NAA40: variants seen among roughly 807,000 people sequenced by gnomAD.
The protein encoded by NAA40 is N-alpha-acetyltransferase 40.
In NAA40, 26 loss-of-function variants were observed where a neutral mutation model predicts 36.6. The observed-to-expected ratio is 0.71, with a 90% CI of 0.52 to 0.98. The LOEUF (loss-of-function observed/expected upper bound fraction) is 0.98. Ranked by LOEUF, NAA40 falls within the 50% of genes least tolerant of loss-of-function variation. The pLI is 0.00. For synonymous variants in NAA40, 129 were observed against 108.4 expected, an observed-to-expected ratio of 1.19 and a Z score of -1.18; for missense variants, 237 against 306.5, an observed-to-expected ratio of 0.77 and a Z score of 1.69.
At position 63,939,004 on chromosome 11, in the gene NAA40, C is replaced by G; in HGVS notation, c.-93C>G. 2 of 1,273,286 alleles carry G rather than the reference C, an allele frequency of 1.6e-6. No individual in the cohort carries two copies. Among genetic ancestry groups the G allele is most frequent in the Non-Finnish European group, 2.2e-6 (2 of 907,578 alleles). The allele number at this position is 1,273,286 out of a possible 1,614,324, so 78.9% of individuals were successfully genotyped here. A position where few individuals can be genotyped will look rare whatever the true frequency, so the allele number is the denominator to read the frequency against. ...AGGCGCATGCGCGTTGCAGGGCCGT[C>G]CGCTCTGCTGCCGCCGCTGTTGCAG... is the stretch of plus-strand genomic sequence containing the variant. On this transcript the variant is annotated 5_prime_UTR_variant, in exon 1 of 8. Transcript: ENST00000377793.
Position 63,939,087 on chromosome 11 carries a change from C to T in NAA40, c.-10C>T, listed in dbSNP as rs1385509023. On this transcript the variant is annotated 5_prime_UTR_variant, in exon 1 of 8. Coordinates refer to ENST00000377793, the MANE Select transcript of NAA40 (RefSeq NM_024771.4). Reference sequence around the variant, plus strand: ...GTGTGAAGAAGAAGCTGAGCGTTGTCGCCGCCGCTATGGGGGTGAGTGAGG... The same window carrying T: ...GTGTGAAGAAGAAGCTGAGCGTTGTTGCCGCCGCTATGGGGGTGAGTGAGG... 4 of 1,604,464 alleles carry T rather than the reference C, an allele frequency of 2.5e-6. No individual in the cohort carries two copies. Among genetic ancestry groups the T allele is most frequent in the East Asian group, 2.3e-5 (1 of 43,228 alleles).
chr11:63,953,567 G>A (rs2134281172), intron 6 of NAA40, among the ~76,000 whole-genome samples: 1 of 152,336 alleles, frequency 6.6e-6, no homozygotes, highest in East Asian at 1.9e-4. Flanking sequence ...TCGTGTGGGT[G>A]AAAGGGAGGT....
chr11:63,946,848 G>C, intron 2 of NAA40, 103 bp from the exon 3 acceptor site: 2 of 1,605,824 alleles, frequency 1.2e-6, no homozygotes. Flanking sequence ...GTCTCCCGTT[G>C]TGGGTCCCCA....
intron 1 of NAA40, among the ~76,000 whole-genome samples, chr11:63,939,853 C>T (rs1321228945): frequency 2.6e-5 from 4 of 152,034 alleles, no homozygotes; most frequent in African/African-American, 9.7e-5. Flanking sequence ...GGCCCAGCCG[C>T]GGATGGATAT....
chr11:63,952,767 A>G lies in NAA40; in HGVS notation c.422A>G (p.Gln141Arg). ...GDEVLYCYEV[Q>R]LESKVRRKGL... ...CTTTCTTCACCTAGCTATGAAGTGC[A>G]GTTGGAAAGCAAGGTGCGGCGGAAA... The change falls in exon 6 of 8, where the codon CAG becomes CGG. Residue 141 changes from glutamine (Q) to arginine (R), a missense_variant. Gln to Arg is a conservative substitution (Grantham distance 43). Coordinates refer to ENST00000377793, the MANE Select transcript of NAA40 (RefSeq NM_024771.4). The G allele has an allele frequency of 2.5e-6, 4 of 1,614,146 alleles. No individual in the cohort carries two copies. The highest frequency in any genetic ancestry group is 3.4e-6 in the Non-Finnish European group (4 of 1,180,022).
At position 63,939,359 on chromosome 11, in the gene NAA40, C is replaced by T. The variant is rs1422255156; in HGVS notation, c.6+257C>T. 3.0e-5 allele frequency: 38 copies of T among 1,251,110 alleles called. No homozygotes were observed. The African/African-American group carries it at 5.7e-4, about 19-fold the overall frequency. The allele number at this position is 1,251,110 out of a possible 1,614,324, so 77.5% of individuals were successfully genotyped here. On this transcript the variant is annotated intron_variant, in intron 1 of 7. Coordinates refer to ENST00000377793, the MANE Select transcript of NAA40 (RefSeq NM_024771.4). ...GTCACGCCCGCCCCTTCCTGCTTCG[C>T]GGACCCGTTACTGGCCTCCCCACCA...
At chr11:63,950,384 G>T (rs1942260409) in intron 3 of NAA40, among the ~76,000 whole-genome samples, 1 of 152,206 alleles carries the variant, frequency 6.6e-6, no homozygotes, top group South Asian at 2.1e-4. Flanking sequence ...CTCCCGAAGT[G>T]CTGAGATTGT....
At chr11:63,939,541 T>C (rs1942072106) in intron 1 of NAA40, 1 of 978,312 alleles carries the variant, frequency 1.0e-6, no homozygotes, top group Admixed American at 6.1e-5. Context: ...CAAGGTCATA[T>C]TGTCGGGGGC....
At chr11:63,953,887 C>T in intron 6 of NAA40, 85 bp from the exon 7 acceptor site, 3 of 1,231,590 alleles carry the variant, frequency 2.4e-6, no homozygotes, top group Non-Finnish European at 3.5e-6. Context: ...ACCTTTGCCC[C>T]TCAAAGTGCT....
intron 3 of NAA40, 110 bp from the exon 4 acceptor site, chr11:63,952,128 T>C (rs1340479221): frequency 1.2e-6 from 1 of 815,230 alleles, no homozygotes; most frequent in East Asian, 2.5e-5. Context: ...GGCTTTTCTC[T>C]GTGCAGTAAC....
chr11:63,939,148 C>T (rs773447381), intron 1 of NAA40, 46 bp downstream of exon 1: 4 of 1,566,600 alleles, frequency 2.6e-6, no homozygotes, highest in South Asian at 2.3e-5. Context: ...GGGCGCTCCT[C>T]GCTACCCTCG....
chr11:63,946,847 T>C (rs4980500), intron 2 of NAA40, 104 bp from the exon 3 acceptor site: 578,477 of 1,602,666 alleles, frequency 0.36, 112,856 homozygotes, highest in Non-Finnish European at 0.4. Flanking sequence ...AGTCTCCCGT[T>C]GTGGGTCCCC....
Position 63,952,392 on chromosome 11 carries a change from TC to T in NAA40, c.252-12del. The T allele has an allele frequency of 1.2e-6, 2 of 1,613,318 alleles. No individual in the cohort carries two copies. The highest frequency in any genetic ancestry group is 2.2e-5 in the South Asian group (2 of 91,062). ...TCTCGCAGCTTTCCCGTCTGACTGC[TC>T]CCAAATTCCCCAGGTATGAGCAGAG... On this transcript the variant is annotated splice_polypyrimidine_tract_variant and intron_variant, in intron 4 of 7. Coordinates refer to ENST00000377793, the MANE Select transcript of NAA40 (RefSeq NM_024771.4).
intron 1 of NAA40, among the ~76,000 whole-genome samples, chr11:63,943,446 C>CT (rs1217780312): frequency 2.0e-5 from 3 of 152,164 alleles, no homozygotes; most frequent in Non-Finnish European, 4.4e-5. Flanking sequence ...GTGCAAGAAT[C>CT]TTTGTTGATG....
At chr11:63,948,386 G>A (rs946170755) in intron 3 of NAA40, among the ~76,000 whole-genome samples, 2 of 152,094 alleles carry the variant, frequency 1.3e-5, no homozygotes, top group African/African-American at 4.8e-5. Context: ...GCCAATTCCT[G>A]GCTATTTGGC....
intron 1 of NAA40, among the ~76,000 whole-genome samples, chr11:63,941,524 C>T (rs1040875622): frequency 6.6e-6 from 1 of 152,036 alleles, no homozygotes; most frequent in Admixed American, 6.6e-5. Context: ...AAAGTGGCTC[C>T]TCCTCCCATC....
Position 63,952,542 on chromosome 11 carries a change from G to A in NAA40, c.387G>A (p.Glu129=). 6.2e-7 allele frequency: 1 copy of A among 1,614,204 alleles called. No individual in the cohort carries two copies. ...TTTCTCACTTCCGGTTTGACGTGGA[G>A]TGTGGGGATGAAGTCCTGTACTGGT... ...VAFSHFRFDV[E]CGDEVLYCYE... The change falls in exon 5 of 8, where the codon GAG becomes GAA. Residue 129 remains glutamate (E), a synonymous_variant. Transcript: ENST00000377793.
intron 6 of NAA40, 66 bp from the exon 7 acceptor site, chr11:63,953,906 A>T (rs961160139): frequency 1.4e-6 from 2 of 1,408,740 alleles, no homozygotes; most frequent in Non-Finnish European, 2.0e-6. Flanking sequence ...CTGGGATTAC[A>T]GGTGCATGCC....
Position 63,954,461 on chromosome 11 carries a change from T to G in NAA40, c.696T>G (p.Cys232Trp). The G allele has an allele frequency of 6.2e-7, 1 of 1,600,846 alleles. No individual in the cohort carries two copies. Among genetic ancestry groups the G allele is most frequent in the Non-Finnish European group, 8.5e-7 (1 of 1,174,916 alleles). ...DSHHSHAGGH[C>W]GGCCH Reference sequence around the variant, plus strand: ...ATCACTCCCACGCGGGTGGGCACTGTGGTGGCTGCTGCCACTGAACTCTCA... The same window carrying G: ...ATCACTCCCACGCGGGTGGGCACTGGGGTGGCTGCTGCCACTGAACTCTCA... Residue 232 changes from cysteine to tryptophan, a missense_variant, in exon 8 of 8, where the codon TGT becomes TGG. Physicochemically the swap from Cys to Trp is radical, Grantham distance 215. Coordinates refer to ENST00000377793, the MANE Select transcript of NAA40 (RefSeq NM_024771.4).
Sources: allele counts gnomAD v4.1 joint callset (sites outside exome capture counted in the v4.1 genomes callset), GRCh38; gene constraint gnomAD v4.1.1; transcripts MANE v1.5; gene names NCBI Gene and HGNC (gene_info 2026-07-23, HGNC 2026-07-21).